EDA: variants seen among roughly 807,000 people sequenced by gnomAD.
EDA encodes ectodysplasin A, also known as ectodysplasin-A.
In EDA, 2 loss-of-function variants were observed where a neutral mutation model predicts 23.6. The ratio of observed to expected loss-of-function variants is 0.08; its 90% CI spans 0.03 to 0.27. The LOEUF is 0.27. Among genes scored for constraint, EDA ranks in the 10% least tolerant of loss-of-function variants. The pLI is 1.00. For missense variants in EDA, 229 were observed against 324.2 expected (o/e 0.71, Z 2.26); for synonymous variants, 131 against 132.0 (o/e 0.99, Z 0.05).
chrX:69,639,023 A>G (rs1932810134), intron 1 of EDA, among the ~76,000 whole-genome samples: 1 of 108,694 alleles, frequency 9.2e-6, no homozygotes, highest in South Asian at 4.0e-4. Flanking sequence ...GTGGAGTCAT[A>G]CACTATTTGT....
At chrX:69,772,737 G>T (rs747616233) in intron 1 of EDA, among the ~76,000 whole-genome samples, 1 of 111,458 alleles carries the variant, frequency 9.0e-6, no homozygotes, top group African/African-American at 3.3e-5. Context: ...TGTGGTATTT[G>T]GTGTTCTGTT....
intron 2 of EDA, among the ~76,000 whole-genome samples, chrX:70,013,956 C>A (rs1015371521): frequency 8.9e-6 from 1 of 112,311 alleles, no homozygotes; most frequent in Non-Finnish European, 1.9e-5. Context: ...GGCACAGCTG[C>A]CCTACCCCAG....
intron 1 of EDA, among the ~76,000 whole-genome samples, chrX:69,821,871 T>C (rs1340332292): frequency 8.9e-6 from 1 of 112,191 alleles, no homozygotes; most frequent in African/African-American, 3.2e-5. Context: ...TACAGTTTGG[T>C]GTTACTAAAT....
At chrX:69,617,421 A>C in intron 1 of EDA, 1 of 125,070 alleles carries the variant, frequency 8.0e-6, no homozygotes, top group East Asian at 2.9e-4. Flanking sequence ...TGCGGTGGGA[A>C]GGGTGGGTGG....
chrX:69,802,193 G>T (rs1359042689), intron 1 of EDA, among the ~76,000 whole-genome samples: 1 of 110,004 alleles, frequency 9.1e-6, no homozygotes, highest in Non-Finnish European at 1.9e-5. Flanking sequence ...GAATGGACTA[G>T]AACTACATGA....
intron 1 of EDA, among the ~76,000 whole-genome samples, chrX:69,739,836 C>T (rs563099522): frequency 1.4e-3 from 160 of 111,097 alleles, no homozygotes; most frequent in African/African-American, 5.1e-3. Context: ...ACATATACAA[C>T]ACACATGCAC....
chrX:70,032,467 T>C (rs1393915606), intron 6 of EDA, among the ~76,000 whole-genome samples: 3 of 111,255 alleles, frequency 2.7e-5, no homozygotes, highest in African/African-American at 9.8e-5. Flanking sequence ...GATGGACTTA[T>C]AAAATATAAT....
chrX:70,029,669 C>A, intron 5 of EDA, 131 bp downstream of exon 5: 1 of 680,770 alleles, frequency 1.5e-6, no homozygotes, highest in Non-Finnish European at 2.3e-6. Flanking sequence ...TGACGGTTTT[C>A]ACTCACAGCC....
At chrX:69,759,338 A>G (rs2014227102) in intron 1 of EDA, among the ~76,000 whole-genome samples, 1 of 112,382 alleles carries the variant, frequency 8.9e-6, no homozygotes, top group African/African-American at 3.2e-5. Flanking sequence ...TGATACAGTT[A>G]TCTGTAAGAA....
chrX:69,884,360 CT>C (rs898829843), intron 1 of EDA, among the ~76,000 whole-genome samples: 1 of 111,882 alleles, frequency 8.9e-6, no homozygotes, highest in Non-Finnish European at 1.9e-5. Flanking sequence ...GGCAAGGAGT[CT>C]CTTGTAGGTG....
At chrX:70,008,079 T>C (rs1300692458) in intron 2 of EDA, among the ~76,000 whole-genome samples, 1 of 112,193 alleles carries the variant, frequency 8.9e-6, no homozygotes, top group East Asian at 2.8e-4. Flanking sequence ...GTTTTGTCTC[T>C]TACTTCTCAA....
chrX:69,778,287 G>C (rs894081926), intron 1 of EDA, among the ~76,000 whole-genome samples: 1 of 111,483 alleles, frequency 9.0e-6, no homozygotes, highest in Non-Finnish European at 1.9e-5. Flanking sequence ...GCGAGCCAAA[G>C]CAAGAATCAT....
At chrX:69,635,122 A>C (rs750419888) in intron 1 of EDA, among the ~76,000 whole-genome samples, 7 of 112,004 alleles carry the variant, frequency 6.2e-5, no homozygotes, top group Admixed American at 3.8e-4. Flanking sequence ...ACCAAATGAC[A>C]TATTTCTCAG....
intron 1 of EDA, among the ~76,000 whole-genome samples, chrX:69,708,275 G>C (rs2011817728): frequency 8.9e-6 from 1 of 111,931 alleles, no homozygotes; most frequent in Non-Finnish European, 1.9e-5. Context: ...AGCTTGATTG[G>C]TTACAGCTCT....
intron 2 of EDA, among the ~76,000 whole-genome samples, chrX:70,003,568 A>G (rs767537525): frequency 8.9e-6 from 1 of 111,979 alleles, no homozygotes; most frequent in Non-Finnish European, 1.9e-5. Context: ...GAATATTATT[A>G]TAGAACTAGA....
chrX:69,866,266 A>G (rs897846691), intron 1 of EDA, among the ~76,000 whole-genome samples: 1 of 111,279 alleles, frequency 9.0e-6, no homozygotes, highest in Non-Finnish European at 1.9e-5. Flanking sequence ...CCTGTATTCC[A>G]TGCATACTCT....
intron 1 of EDA, among the ~76,000 whole-genome samples, chrX:69,888,978 T>TATATATATATATATATATATATATATATA (rs1556026049): frequency 6.2e-5 from 1 of 16,030 alleles, no homozygotes; most frequent in Non-Finnish European, 1.0e-4. Context: ...TGTGGGGTAG[T>TATATATATATATATATATATATATATATA]TATATATATA....
intron 1 of EDA, among the ~76,000 whole-genome samples, chrX:69,828,370 C>A (rs1291485511): frequency 8.9e-6 from 1 of 112,439 alleles, no homozygotes; most frequent in African/African-American, 3.2e-5. Context: ...GGCGTAGGAC[C>A]CTCCGAGTCA....
intron 1 of EDA, among the ~76,000 whole-genome samples, chrX:69,682,545 C>T (rs141648141): frequency 0.023 from 2,529 of 112,253 alleles, 55 homozygotes; most frequent in African/African-American, 0.078. Context: ...TTAAGCCCCT[C>T]GGAAATGCGC....
Sources: allele counts gnomAD v4.1 joint callset (sites outside exome capture counted in the v4.1 genomes callset), GRCh38; gene constraint gnomAD v4.1.1; transcripts MANE v1.5; gene names NCBI Gene and HGNC (gene_info 2026-07-23, HGNC 2026-07-21).